Variants in TPRG1 observed in about 807,000 individuals in gnomAD.
TPRG1 encodes tumor protein p63-regulated gene 1 protein.
A neutral mutation model predicts 29.3 loss-of-function variants in TPRG1; 29 were observed. That is an observed-to-expected ratio of 0.99 (90% CI 0.74 to 1.35). The LOEUF (loss-of-function observed/expected upper bound fraction) is 1.35, where lower values mean the gene tolerates loss of function less well. Among genes scored for constraint, TPRG1 ranks in the 40% most tolerant of loss-of-function variants. The probability of loss-of-function intolerance (pLI) is 0.00; values close to 1 mark genes in which losing one functional copy is unlikely to be tolerated. For synonymous variants in TPRG1, 130 were observed against 116.8 expected, an observed-to-expected ratio of 1.11 and a Z score of -0.73; for missense variants, 327 against 335.0, an observed-to-expected ratio of 0.98 and a Z score of 0.19.
At chr3:189,199,932 A>G (rs1733185697) in intron 1 of TPRG1, among the ~76,000 whole-genome samples, 2 of 152,224 alleles carry the variant, frequency 1.3e-5, no homozygotes, top group South Asian at 4.1e-4. Flanking sequence ...AATAGTATCC[A>G]GGAGCACAAC....
At position 189,324,102 on chromosome 3, in the gene TPRG1, A is replaced by G. The variant is rs375163324; in HGVS notation, c.*3282A>G. The G allele has an allele frequency of 5.3e-5, 8 of 152,164 alleles. No homozygotes were observed. The highest frequency in any genetic ancestry group is 1.9e-4 in the East Asian group (1 of 5,184). The allele number at this position is 152,164 out of a possible 1,614,324, so 9.4% of individuals were successfully genotyped here. A position where few individuals can be genotyped will look rare whatever the true frequency, so the allele number is the denominator to read the frequency against. On this transcript the variant is annotated 3_prime_UTR_variant, in exon 6 of 6. Coordinates refer to ENST00000345063, the MANE Select transcript of TPRG1 (RefSeq NM_198485.4). ...TCATCTTAAGGTCATCTAAGGCAGA[A>G]AAGAGAAGCTCACTTATAAGTTGGC... is the stretch of plus-strand genomic sequence containing the variant.
intron 5 of TPRG1, among the ~76,000 whole-genome samples, chr3:189,158,804 C>T (rs1473187193): frequency 6.6e-6 from 1 of 152,074 alleles, no homozygotes; most frequent in Non-Finnish European, 1.5e-5. Context: ...TTTCGTTTTG[C>T]ACTCCCTCAT....
chr3:189,312,185 T>C (rs5017279), intron 5 of TPRG1, among the ~76,000 whole-genome samples: 7,496 of 44,322 alleles, frequency 0.17, 767 homozygotes, highest in East Asian at 0.28. Context: ...TTCTTTCTTT[T>C]TTTCTTTCTT....
intron 1 of TPRG1, among the ~76,000 whole-genome samples, chr3:189,177,796 T>C (rs1729691159): frequency 1.3e-5 from 2 of 152,170 alleles, no homozygotes; most frequent in Non-Finnish European, 2.9e-5. Flanking sequence ...ATTCTTTTCA[T>C]TTACATTTTC....
At chr3:189,290,419 G>C (rs1292369137) in intron 4 of TPRG1, among the ~76,000 whole-genome samples, 2 of 152,232 alleles carry the variant, frequency 1.3e-5, no homozygotes, top group African/African-American at 4.8e-5. Context: ...TGAATCGATA[G>C]AGTGTGATAA....
intron 3 of TPRG1, among the ~76,000 whole-genome samples, chr3:189,238,053 T>TA (rs971994380): frequency 9.2e-5 from 14 of 152,332 alleles, no homozygotes; most frequent in African/African-American, 3.4e-4. Context: ...GTCAGAATGT[T>TA]ACATGTGTGT....
rs572561608 is a variant in TPRG1 at position 189,166,490 on chromosome 3, C to A, written c.-10+15618C>A. On this transcript the variant is annotated intron_variant, in intron 5 of 6. Transcript: ENST00000412373. Reference sequence around the variant, plus strand: ...TTGCTGACAAGGAAGCCAAAGGATACCGAGGGAAACTTGCATAAGGGTATA... The same window carrying A: ...TTGCTGACAAGGAAGCCAAAGGATAACGAGGGAAACTTGCATAAGGGTATA... 2.6e-3 allele frequency among the ~76,000 whole-genome samples: 392 copies of A among 152,296 alleles called. 4 individuals are homozygous for A. Among genetic ancestry groups the A allele is most frequent in the African/African-American group, 8.6e-3 (358 of 41,564 alleles).
chr3:189,032,392 T>C (rs766353409), intron 4 of TPRG1, among the ~76,000 whole-genome samples: 1 of 152,154 alleles, frequency 6.6e-6, no homozygotes, highest in Admixed American at 6.5e-5. Context: ...CAAAACTGTA[T>C]GAAAATAAAT....
At chr3:189,013,850 G>T (rs898909172) in intron 3 of TPRG1, among the ~76,000 whole-genome samples, 2 of 151,942 alleles carry the variant, frequency 1.3e-5, no homozygotes, top group Non-Finnish European at 2.9e-5. Flanking sequence ...TGCAACCCCT[G>T]CTTTTTAATT....
chr3:189,024,653 G>A (rs1713560657), intron 4 of TPRG1, among the ~76,000 whole-genome samples: 1 of 152,102 alleles, frequency 6.6e-6, no homozygotes, highest in Non-Finnish European at 1.5e-5. Context: ...CAACAATGAT[G>A]GTGGCCTACC....
chr3:189,155,573 T>A (rs914721962), intron 5 of TPRG1, among the ~76,000 whole-genome samples: 2 of 152,020 alleles, frequency 1.3e-5, no homozygotes, highest in Non-Finnish European at 2.9e-5. Context: ...GGTATGGAAG[T>A]GTCAAGGGTC....
intron 4 of TPRG1, among the ~76,000 whole-genome samples, chr3:189,245,413 A>T (rs923311707): frequency 6.6e-6 from 1 of 152,136 alleles, no homozygotes; most frequent in African/African-American, 2.4e-5. Flanking sequence ...TGTGTCTATT[A>T]TCATTTAGAG....
At chr3:189,016,221 A>G (rs1712926186) in intron 3 of TPRG1, among the ~76,000 whole-genome samples, 1 of 152,118 alleles carries the variant, frequency 6.6e-6, no homozygotes, top group Non-Finnish European at 1.5e-5. Flanking sequence ...GAACTTTAAG[A>G]TTTAAAGACT....
intron 4 of TPRG1, among the ~76,000 whole-genome samples, chr3:189,275,139 C>T (rs1486910090): frequency 6.6e-6 from 1 of 152,082 alleles, no homozygotes; most frequent in Admixed American, 6.6e-5. Context: ...TTCTTTTTAG[C>T]TGAACTTCAA....
chr3:189,201,559 G>T (rs1265319093), intron 1 of TPRG1, among the ~76,000 whole-genome samples: 3 of 152,200 alleles, frequency 2.0e-5, no homozygotes, highest in Non-Finnish European at 4.4e-5. Flanking sequence ...GGTTCACCTT[G>T]AAATAGTCCT....
intron 2 of TPRG1, among the ~76,000 whole-genome samples, chr3:189,210,551 C>A (rs553275469): frequency 6.6e-6 from 1 of 152,246 alleles, no homozygotes; most frequent in African/African-American, 2.4e-5. Context: ...GAAATGAAAT[C>A]TACAGATGAT....
At chr3:189,300,541 GT>G (rs1375362859) in intron 4 of TPRG1, among the ~76,000 whole-genome samples, 2 of 152,194 alleles carry the variant, frequency 1.3e-5, no homozygotes, top group Non-Finnish European at 2.9e-5. Flanking sequence ...CTCAGGTTTA[GT>G]GCCAGGGTAA....
intron 1 of TPRG1, among the ~76,000 whole-genome samples, chr3:189,116,393 G>T (rs1721175368): frequency 6.6e-6 from 1 of 152,092 alleles, no homozygotes; most frequent in East Asian, 1.9e-4. Context: ...TGGCCAGGTT[G>T]GTGTTGAACT....
intron 1 of TPRG1, among the ~76,000 whole-genome samples, chr3:189,112,512 TA>T (rs1720654859): frequency 6.6e-6 from 1 of 152,236 alleles, no homozygotes; most frequent in South Asian, 2.1e-4. Context: ...GTTTTAGGTC[TA>T]ACGTTTAAGT....
Sources: allele counts gnomAD v4.1 joint callset (sites outside exome capture counted in the v4.1 genomes callset), GRCh38; gene constraint gnomAD v4.1.1; transcripts MANE v1.5; gene names NCBI Gene and HGNC (gene_info 2026-07-23, HGNC 2026-07-21).